Variants in CDH4 observed in about 807,000 individuals in gnomAD.
CDH4 encodes cadherin-4.
A neutral mutation model predicts 86.0 loss-of-function variants in CDH4; 33 were observed. That is an observed-to-expected ratio of 0.38 (90% CI 0.29 to 0.51). The LOEUF is 0.51. CDH4 is among the 20% of genes least tolerant of loss of function. CDH4 has a pLI of 0.86. For missense variants in CDH4, 1,114 were observed against 1,307.4 expected, an observed-to-expected ratio of 0.85 and a Z score of 2.28; for synonymous variants, 555 against 549.4, an observed-to-expected ratio of 1.01 and a Z score of -0.14.
intron 2 of CDH4, among the ~76,000 whole-genome samples, chr20:61,579,398 T>TA (rs754313345): frequency 1.1e-4 from 17 of 151,700 alleles, no homozygotes; most frequent in Admixed American, 6.6e-5. Flanking sequence ...GTGATTCTCT[T>TA]GCCTCAACCT....
chr20:61,369,605 A>T (rs2084829183), intron 2 of CDH4, among the ~76,000 whole-genome samples: 1 of 152,130 alleles, frequency 6.6e-6, no homozygotes, highest in Non-Finnish European at 1.5e-5. Context: ...GGCACATGGA[A>T]GGATGTATTA....
intron 2 of CDH4, among the ~76,000 whole-genome samples, chr20:61,457,989 G>A (rs1214059920): frequency 1.3e-5 from 2 of 151,284 alleles, no homozygotes; most frequent in East Asian, 3.9e-4. Flanking sequence ...TGACAGTGCT[G>A]ACACTGGTGG....
In CDH4 at chr20:61,583,806, G is replaced by A. The variant is rs568690262; in HGVS notation, c.170-159757G>A. Among the ~76,000 whole-genome samples the A allele has an allele frequency of 7.9e-5, 12 of 152,224 alleles. 1 individual carries two copies. The highest frequency in any genetic ancestry group is 1.9e-4 in the East Asian group (1 of 5,192). On this transcript the variant is annotated intron_variant, in intron 2 of 15. Coordinates refer to ENST00000614565, the MANE Select transcript of CDH4 (RefSeq NM_001794.5). ...TGCACTGAAGTGTGGACAGCGTGTCGCTGGATGGACCAGCCCGTACAGCCA... is the reference window on the plus strand; with the variant it reads ...TGCACTGAAGTGTGGACAGCGTGTCACTGGATGGACCAGCCCGTACAGCCA...
intron 2 of CDH4, among the ~76,000 whole-genome samples, chr20:61,330,562 G>A (rs1028568394): frequency 6.6e-6 from 1 of 152,214 alleles, no homozygotes; most frequent in Non-Finnish European, 1.5e-5. Flanking sequence ...GTAGGCAGTT[G>A]CCTTCAAGAA....
In CDH4 at chr20:61,263,390, A is replaced by G. The variant is rs144097622; in HGVS notation, c.169+8453A>G. 1.9e-3 allele frequency among the ~76,000 whole-genome samples: 285 copies of G among 152,282 alleles called. 4 individuals carry two copies. Among genetic ancestry groups the G allele is most frequent in the African/African-American group, 6.5e-3 (270 of 41,562 alleles). On this transcript the variant is annotated intron_variant, in intron 2 of 15. Coordinates refer to ENST00000614565, the MANE Select transcript of CDH4 (RefSeq NM_001794.5). ...CCTATTTAATTATCTTTGACCCAGT[A>G]TGTGCTCCCCGAGGCCATTTTCCTG...
At chr20:61,823,029 A>C (rs999506207) in intron 4 of CDH4, among the ~76,000 whole-genome samples, 15 of 152,328 alleles carry the variant, frequency 9.8e-5, no homozygotes, top group Non-Finnish European at 2.1e-4. Flanking sequence ...TAGGGCGACC[A>C]TGGAGGCTGG....
chr20:61,589,980 C>T (rs1045785752), intron 2 of CDH4, among the ~76,000 whole-genome samples: 3 of 151,872 alleles, frequency 2.0e-5, no homozygotes, highest in East Asian at 1.9e-4. Context: ...GGGAAGCAGC[C>T]GTGCCCAGCT....
Position 61,517,608 on chromosome 20 carries a change from G to A in CDH4, c.170-225955G>A, listed in dbSNP as rs1568873770. Among the ~76,000 whole-genome samples the A allele has an allele frequency of 6.6e-6, 1 of 152,138 alleles. No homozygotes were observed. Among genetic ancestry groups the A allele is most frequent in the Non-Finnish European group, 1.5e-5 (1 of 68,016 alleles). On this transcript the variant is annotated intron_variant, in intron 2 of 15. Transcript: ENST00000614565. The surrounding 1 kb of genome is among the most constrained non-coding windows in gnomAD (Gnocchi z 6.6). Reference sequence around the variant, plus strand: ...TCTTCACTCCTGACCTTGGAACTTGGCGGGTGGCTGAGCCCCTTGAGCTGC... The same window carrying A: ...TCTTCACTCCTGACCTTGGAACTTGACGGGTGGCTGAGCCCCTTGAGCTGC...
chr20:61,430,802 C>T (rs1301885157), intron 2 of CDH4, among the ~76,000 whole-genome samples: 1 of 152,206 alleles, frequency 6.6e-6, no homozygotes, highest in Non-Finnish European at 1.5e-5. Context: ...TTATAATACT[C>T]CTCCCATACA....
At chr20:61,567,146 A>G (rs1342940450) in intron 2 of CDH4, among the ~76,000 whole-genome samples, 1 of 152,196 alleles carries the variant, frequency 6.6e-6, no homozygotes, top group East Asian at 1.9e-4. Flanking sequence ...TGTTAAAAGT[A>G]GCATGTTTCA....
At chr20:61,333,725 G>T (rs760365168) in intron 2 of CDH4, among the ~76,000 whole-genome samples, 8 of 152,254 alleles carry the variant, frequency 5.3e-5, no homozygotes, top group Non-Finnish European at 8.8e-5. Context: ...TGCGCTTTCA[G>T]GCGAAGAGCA....
chr20:61,713,412 C>T (rs535091918), intron 2 of CDH4, among the ~76,000 whole-genome samples: 1 of 152,332 alleles, frequency 6.6e-6, no homozygotes, highest in African/African-American at 2.4e-5. Flanking sequence ...CCTGTGTACT[C>T]TAAGCGTGGA....
At chr20:61,648,060 G>A (rs1294927662) in intron 2 of CDH4, among the ~76,000 whole-genome samples, 2 of 152,206 alleles carry the variant, frequency 1.3e-5, no homozygotes, top group Non-Finnish European at 2.9e-5. Flanking sequence ...ACTGCAGGCA[G>A]GCGTGGGCTC....
At chr20:61,403,781 C>T (rs1035093762) in intron 2 of CDH4, among the ~76,000 whole-genome samples, 4 of 152,086 alleles carry the variant, frequency 2.6e-5, no homozygotes, top group African/African-American at 9.7e-5. Context: ...AGATAGTAGA[C>T]TTAAATTGTC....
intron 2 of CDH4, among the ~76,000 whole-genome samples, chr20:61,658,062 G>A (rs1487992799): frequency 6.6e-6 from 1 of 152,066 alleles, no homozygotes; most frequent in East Asian, 1.9e-4. Context: ...AGTCTCCCAG[G>A]ACCCCAGCCA....
intron 2 of CDH4, among the ~76,000 whole-genome samples, chr20:61,440,908 G>A (rs1048684079): frequency 1.3e-5 from 2 of 152,168 alleles, no homozygotes; most frequent in African/African-American, 2.4e-5. Flanking sequence ...TGTAGTTGTC[G>A]GGAAGAGCCC....
chr20:61,445,939 G>A (rs79928979), intron 2 of CDH4, among the ~76,000 whole-genome samples: 2,735 of 152,328 alleles, frequency 0.018, 42 homozygotes, highest in African/African-American at 0.038. Flanking sequence ...CCAGAACGCT[G>A]GCCCTGGAGC....
intron 2 of CDH4, among the ~76,000 whole-genome samples, chr20:61,604,891 C>T (rs1268277836): frequency 7.0e-6 from 1 of 142,474 alleles, no homozygotes; most frequent in Non-Finnish European, 1.5e-5. Context: ...GAAATGGCTA[C>T]AGGAAGAGAG....
chr20:61,319,153 TAATATAACATATAAA>T (rs1300590198), intron 2 of CDH4, among the ~76,000 whole-genome samples: 3 of 151,824 alleles, frequency 2.0e-5, no homozygotes, highest in Non-Finnish European at 2.9e-5. Context: ...ATAAGCATAA[TAATATAACATATAAA>T]AATATAACAT....
Sources: gnomAD v4.1 joint callset for allele counts (sites outside exome capture counted in the v4.1 genomes callset) on GRCh38, gnomAD v4.1.1 for gene constraint, Gnocchi (gnomAD v3.1) non-coding constraint, MANE v1.5 for transcripts, NCBI Gene and HGNC (gene_info 2026-07-23, HGNC 2026-07-21) for gene names.